Variants in ZBTB44 observed in about 807,000 individuals in gnomAD.
ZBTB44 encodes zinc finger and BTB domain containing 44.
In ZBTB44, 15 loss-of-function variants were observed where a neutral mutation model predicts 54.0. The ratio of observed to expected loss-of-function variants is 0.28; its 90% CI spans 0.19 to 0.43. The LOEUF (loss-of-function observed/expected upper bound fraction) is 0.43, where lower values mean the gene tolerates loss of function less well. Ranked by LOEUF, ZBTB44 falls within the 20% of genes least tolerant of loss-of-function variation. The pLI is 1.00. For synonymous variants in ZBTB44, 230 were observed against 250.1 expected (o/e 0.92, Z 0.76); for missense variants, 487 against 707.1 (o/e 0.69, Z 3.53).
chr11:130,304,148 T>C (rs1356945817), intron 1 of ZBTB44, among the ~76,000 whole-genome samples: 1 of 152,206 alleles, frequency 6.6e-6, no homozygotes, highest in African/African-American at 2.4e-5. Context: ...TTGCTTAAAA[T>C]GGGGTGAAGT....
chr11:130,246,286 C>T (rs1234853441), intron 2 of ZBTB44, among the ~76,000 whole-genome samples: 2 of 152,084 alleles, frequency 1.3e-5, no homozygotes, highest in African/African-American at 4.8e-5. Flanking sequence ...TATACACACA[C>T]ACATATATAT....
chr11:130,307,538 C>G (rs1412336868), intron 1 of ZBTB44, among the ~76,000 whole-genome samples: 3 of 152,062 alleles, frequency 2.0e-5, no homozygotes, highest in African/African-American at 7.2e-5. Flanking sequence ...TATCTAAATG[C>G]AGTTTCTGAA....
At chr11:130,263,601 A>T (rs1464603283) in intron 1 of ZBTB44, among the ~76,000 whole-genome samples, 1 of 152,248 alleles carries the variant, frequency 6.6e-6, no homozygotes, top group Non-Finnish European at 1.5e-5. Context: ...GCATCGGAGT[A>T]TTAAAATGAA....
chr11:130,302,442 C>A (rs1266852698), intron 1 of ZBTB44, among the ~76,000 whole-genome samples: 1 of 152,152 alleles, frequency 6.6e-6, no homozygotes, highest in Non-Finnish European at 1.5e-5. Flanking sequence ...AAAAATAATT[C>A]TCTTGGAAGA....
At chr11:130,263,357 G>A (rs73040786) in intron 1 of ZBTB44, among the ~76,000 whole-genome samples, 57 of 152,270 alleles carry the variant, frequency 3.7e-4, no homozygotes, top group Non-Finnish European at 5.9e-4. Context: ...ACAAAAATGA[G>A]ATGAAAGAAA....
intron 1 of ZBTB44, among the ~76,000 whole-genome samples, chr11:130,293,223 A>G (rs113237166): frequency 3.3e-5 from 5 of 151,974 alleles, no homozygotes; most frequent in African/African-American, 1.2e-4. Flanking sequence ...GCACTTTGGG[A>G]GGCCAAGGCA....
chr11:130,246,742 T>A (rs1274764963), intron 2 of ZBTB44, among the ~76,000 whole-genome samples: 1 of 152,188 alleles, frequency 6.6e-6, no homozygotes, highest in African/African-American at 2.4e-5. Context: ...GAGAAACATC[T>A]TCCAACATTC....
chr11:130,233,084 C>G (rs1383497724), intron 7 of ZBTB44: 1 of 437,910 alleles, frequency 2.3e-6, no homozygotes, highest in Non-Finnish European at 4.0e-6. Context: ...ATGAAAACAT[C>G]CCCAACAACA....
intron 5 of ZBTB44, chr11:130,236,032 A>ATT: frequency 9.7e-7 from 1 of 1,028,012 alleles, no homozygotes; most frequent in Non-Finnish European, 1.2e-6. Context: ...TTCCTACAGA[A>ATT]GTACAATTCT....
At chr11:130,298,425 G>A (rs1466241452) in intron 1 of ZBTB44, among the ~76,000 whole-genome samples, 4 of 149,224 alleles carry the variant, frequency 2.7e-5, no homozygotes, top group Admixed American at 2.0e-4. Flanking sequence ...GATTACAGGT[G>A]TGAGCCACCA....
chr11:130,243,556 G>A (rs1192906772), intron 2 of ZBTB44, among the ~76,000 whole-genome samples: 1 of 152,198 alleles, frequency 6.6e-6, no homozygotes, highest in East Asian at 1.9e-4. Flanking sequence ...CATTGCCAAG[G>A]CAGGTTTTTC....
At chr11:130,310,962 T>C (rs968695801) in intron 1 of ZBTB44, among the ~76,000 whole-genome samples, 23 of 152,182 alleles carry the variant, frequency 1.5e-4, no homozygotes, top group African/African-American at 5.5e-4. Flanking sequence ...ACTTTACATA[T>C]TCAAAAATAA....
chr11:130,289,708 T>G (rs1236521741), intron 1 of ZBTB44, among the ~76,000 whole-genome samples: 2 of 152,136 alleles, frequency 1.3e-5, no homozygotes. Flanking sequence ...AGAGCCAGCC[T>G]AAGGATGGCA....
intron 1 of ZBTB44, among the ~76,000 whole-genome samples, chr11:130,300,717 T>C (rs1941942790): frequency 6.6e-6 from 1 of 152,180 alleles, no homozygotes; most frequent in Non-Finnish European, 1.5e-5. Context: ...CCAAAGTCTA[T>C]TTGATTTAGC....
At chr11:130,249,040 G>T (rs1937764617) in intron 2 of ZBTB44, among the ~76,000 whole-genome samples, 3 of 152,156 alleles carry the variant, frequency 2.0e-5, no homozygotes, top group African/African-American at 7.2e-5. Flanking sequence ...GGAGGCAGAG[G>T]TTGTAGTAAG....
chr11:130,278,553 A>C (rs997196129), intron 1 of ZBTB44, among the ~76,000 whole-genome samples: 4 of 151,646 alleles, frequency 2.6e-5, no homozygotes, highest in African/African-American at 7.3e-5. Flanking sequence ...TCCTTCCAGA[A>C]CTCCCATTAC....
rs1565638804 is a variant in ZBTB44, at chr11:130,231,118, C to A, written c.*646G>T. On this transcript the variant is annotated 3_prime_UTR_variant, in exon 8 of 8. Transcript: ENST00000357899. ...TGAATGGGATAATATAACTGGCTAT[C>A]TCTTTGCAATATTTTCAATATGTCC... is the stretch of plus-strand genomic sequence containing the variant. 2 of 152,154 alleles carry A rather than the reference C, an allele frequency of 1.3e-5. No individual in the cohort carries two copies. Among genetic ancestry groups the A allele is most frequent in the South Asian group, 2.1e-4 (1 of 4,824 alleles). 9.4% of individuals were successfully genotyped at this position (152,154 alleles called of 1,614,324 possible). A position where few individuals can be genotyped will look rare whatever the true frequency, so the allele number is the denominator to read the frequency against.
At chr11:130,299,981 AAAGG>A (rs1461310390) in intron 1 of ZBTB44, among the ~76,000 whole-genome samples, 2 of 152,264 alleles carry the variant, frequency 1.3e-5, no homozygotes, top group Non-Finnish European at 2.9e-5. Context: ...TCAGCCTTAA[AAAGG>A]AAGGAAATTC....
chr11:130,283,304 C>T (rs879669690), intron 1 of ZBTB44, among the ~76,000 whole-genome samples: 30 of 152,040 alleles, frequency 2.0e-4, no homozygotes, highest in Non-Finnish European at 3.5e-4. Flanking sequence ...CCTCGGCCTC[C>T]CAAAGTGCTG....
Sources: gnomAD v4.1 joint callset for allele counts (sites outside exome capture counted in the v4.1 genomes callset) on GRCh38, gnomAD v4.1.1 for gene constraint, MANE v1.5 for transcripts, NCBI Gene and HGNC (gene_info 2026-07-23, HGNC 2026-07-21) for gene names.